Variants in FLT1 observed in about 807,000 individuals in gnomAD.
FLT1 encodes the protein vascular endothelial growth factor receptor 1.
In FLT1, 49 loss-of-function variants were observed where a neutral mutation model predicts 156.3. The ratio of observed to expected loss-of-function variants is 0.31; its 90% CI spans 0.25 to 0.40. FLT1 has a LOEUF of 0.40. Among genes scored for constraint, FLT1 ranks in the 10% least tolerant of loss-of-function variants. FLT1 has a pLI of 1.00. For synonymous variants in FLT1, 594 were observed against 583.8 expected (o/e 1.02, Z -0.25); for missense variants, 1,322 against 1,637.2 (o/e 0.81, Z 3.32).
Position 28,427,841 on chromosome 13 carries a change from G to C in FLT1, c.1187C>G (p.Thr396Ser). The C allele has an allele frequency of 6.2e-7, 1 of 1,613,854 alleles. No individual in the cohort carries two copies. The highest frequency in any genetic ancestry group is 8.5e-7 in the Non-Finnish European group (1 of 1,179,776). Residue 396 changes from threonine (T) to serine (S), a missense_variant, in exon 9 of 30, where the codon ACT becomes AGT. Coordinates refer to ENST00000282397, the MANE Select transcript of FLT1 (RefSeq NM_002019.4). Reference protein sequence around the residue: ...RGYSLIIKDVTEEDAGNYTIL... With the variant: ...RGYSLIIKDVSEEDAGNYTIL... ...TGTATAATTCCCTGCATCCTCTTCAGTTACGTCCTTGATAATTAACGAGTA... is the reference window on the plus strand; with the variant it reads ...TGTATAATTCCCTGCATCCTCTTCACTTACGTCCTTGATAATTAACGAGTA...
intron 29 of FLT1, among the ~76,000 whole-genome samples, chr13:28,304,427 C>T (rs1276128026): frequency 6.6e-6 from 1 of 152,092 alleles, no homozygotes. Context: ...GTGCTAACTA[C>T]ATCACTTGGA....
chr13:28,441,066 A>C (rs1395189084), intron 3 of FLT1, among the ~76,000 whole-genome samples: 6 of 152,204 alleles, frequency 3.9e-5, no homozygotes, highest in African/African-American at 9.6e-5. Flanking sequence ...GGTGATCAGC[A>C]GCTTCCTGAT....
intron 1 of FLT1, among the ~76,000 whole-genome samples, chr13:28,474,253 C>T (rs1294233085): frequency 2.0e-5 from 3 of 152,000 alleles, no homozygotes; most frequent in Non-Finnish European, 4.4e-5. Context: ...GTCAGGAGTT[C>T]GAGACCAGTT....
intron 11 of FLT1, among the ~76,000 whole-genome samples, chr13:28,404,031 G>C (rs1875627016): frequency 1.6e-5 from 2 of 127,094 alleles, no homozygotes; most frequent in African/African-American, 5.8e-5. Flanking sequence ...AACAGAGTGA[G>C]ACTCTTTGTC....
At chr13:28,390,346 G>A (rs545860971) in intron 12 of FLT1, among the ~76,000 whole-genome samples, 176 of 152,262 alleles carry the variant, frequency 1.2e-3, no homozygotes, top group African/African-American at 3.9e-3. Flanking sequence ...CCTGATTCAC[G>A]TGAAGTTGCT....
At chr13:28,446,007 A>G (rs752437202) in intron 3 of FLT1, among the ~76,000 whole-genome samples, 44 of 152,196 alleles carry the variant, frequency 2.9e-4, no homozygotes, top group Admixed American at 7.2e-4. Context: ...TTAACATCCA[A>G]AAACCAATGT....
intron 1 of FLT1, among the ~76,000 whole-genome samples, chr13:28,476,582 C>T (rs1358558352): frequency 1.3e-5 from 2 of 152,130 alleles, no homozygotes; most frequent in African/African-American, 4.8e-5. Context: ...ATATTAAACG[C>T]ACTATTTTAC....
At chr13:28,399,054 AAATGGAAGTAGTTGG>A (rs1288787255) in intron 11 of FLT1, 2 of 1,550,430 alleles carry the variant, frequency 1.3e-6, no homozygotes, top group African/African-American at 1.4e-5. Context: ...TCACGGAAGG[AAATGGAAGTAGTTGG>A]AAGAGAAGCT....
chr13:28,344,845 G>A (rs914483763), intron 16 of FLT1, among the ~76,000 whole-genome samples: 1 of 117,202 alleles, frequency 8.5e-6, no homozygotes, highest in African/African-American at 3.4e-5. Context: ...TCACTCTGTC[G>A]CTCAGGCTGA....
chr13:28,311,478 C>T (rs1870997831), intron 27 of FLT1, 112 bp downstream of exon 27: 1 of 938,276 alleles, frequency 1.1e-6, no homozygotes, highest in Non-Finnish European at 1.6e-6. Flanking sequence ...TTCTCTCTTT[C>T]TTTCTTTCTC....
intron 1 of FLT1, among the ~76,000 whole-genome samples, chr13:28,483,506 A>G (rs1344806899): frequency 6.6e-6 from 1 of 152,234 alleles, no homozygotes; most frequent in Non-Finnish European, 1.5e-5. Flanking sequence ...AAACTCCTCA[A>G]TAGGTGGCAG....
In FLT1 at chr13:28,322,663, C is replaced by T; in HGVS notation, c.2953+127G>A. 1.1e-6 allele frequency: 1 copy of T among 879,164 alleles called. No homozygotes were observed. The highest frequency in any genetic ancestry group is 1.9e-6 in the Non-Finnish European group (1 of 524,952). The allele number at this position is 879,164 out of a possible 1,614,324, so 54.5% of individuals were successfully genotyped here. Reference sequence around the variant, plus strand: ...TATCTTAATTCAAATCTTATCTCCTCAGGACATTACCATTCGAGTCTCCCA... The same window carrying T: ...TATCTTAATTCAAATCTTATCTCCTTAGGACATTACCATTCGAGTCTCCCA... On this transcript the variant is annotated intron_variant, in intron 21 of 29. Coordinates refer to ENST00000282397, the MANE Select transcript of FLT1 (RefSeq NM_002019.4). This position sits in a 1 kb window ranked among gnomAD's most constrained non-coding sequence, Gnocchi z 4.3.
intron 13 of FLT1, chr13:28,389,127 A>C: frequency 5.6e-6 from 6 of 1,062,368 alleles, no homozygotes; most frequent in Non-Finnish European, 6.8e-6. Flanking sequence ...GCTCCAGTTC[A>C]AGATAAATGT....
At chr13:28,474,637 T>C (rs1880447369) in intron 1 of FLT1, among the ~76,000 whole-genome samples, 1 of 151,896 alleles carries the variant, frequency 6.6e-6, no homozygotes, top group Non-Finnish European at 1.5e-5. Context: ...GACAGGAAGG[T>C]AGATTAGTGG....
chr13:28,442,556 T>C (rs1878386816), intron 3 of FLT1, among the ~76,000 whole-genome samples: 1 of 152,204 alleles, frequency 6.6e-6, no homozygotes, highest in South Asian at 2.1e-4. Context: ...ATTTCAGCAC[T>C]GGGTCCACTG....
chr13:28,313,009 C>T (rs926684152), intron 25 of FLT1, among the ~76,000 whole-genome samples: 2 of 151,386 alleles, frequency 1.3e-5, no homozygotes, highest in Non-Finnish European at 2.9e-5. Flanking sequence ...TGCAGAGTCT[C>T]ACTCTGTCAT....
intron 8 of FLT1, among the ~76,000 whole-genome samples, chr13:28,428,620 G>C (rs2137542135): frequency 6.6e-6 from 1 of 152,296 alleles, no homozygotes; most frequent in East Asian, 1.9e-4. Flanking sequence ...CTCACTGCAG[G>C]CTGCTGCAAA....
At chr13:28,477,826 T>C (rs1880636778) in intron 1 of FLT1, among the ~76,000 whole-genome samples, 2 of 152,190 alleles carry the variant, frequency 1.3e-5, no homozygotes, top group Non-Finnish European at 2.9e-5. Context: ...TAATTGCCAG[T>C]AGTGTTATGC....
intron 3 of FLT1, among the ~76,000 whole-genome samples, chr13:28,453,356 C>G (rs1284812328): frequency 6.6e-6 from 1 of 152,022 alleles, no homozygotes; most frequent in East Asian, 1.9e-4. Flanking sequence ...CTCCTGACCT[C>G]AAGTGATCTA....
Sources: allele counts gnomAD v4.1 joint callset (sites outside exome capture counted in the v4.1 genomes callset), GRCh38; gene constraint gnomAD v4.1.1; non-coding constraint Gnocchi (gnomAD v3.1); transcripts MANE v1.5; gene names NCBI Gene and HGNC (gene_info 2026-07-23, HGNC 2026-07-21).